Variants in NEBL observed in about 807,000 individuals in gnomAD.
NEBL encodes the protein nebulette.
In NEBL, 122 loss-of-function variants were observed where a neutral mutation model predicts 140.2. That is an observed-to-expected ratio of 0.87 (90% CI 0.75 to 1.01). The LOEUF is 1.01. Among genes scored for constraint, NEBL ranks in the 50% least tolerant of loss-of-function variants. The pLI, the probability that NEBL is intolerant of heterozygous loss-of-function variation, is 0.00. For missense variants in NEBL, 1,365 were observed against 1,231.3 expected (o/e 1.11, Z -1.62); for synonymous variants, 436 against 398.9 (o/e 1.09, Z -1.11).
intron 3 of NEBL, among the ~76,000 whole-genome samples, chr10:21,227,834 C>A (rs555505881): frequency 0.012 from 1,756 of 148,086 alleles, 23 homozygotes; most frequent in South Asian, 0.058. Context: ...CTTCTTTCTT[C>A]TTCTTCTTTC....
At chr10:20,920,987 A>T (rs1381484226) in intron 4 of NEBL, among the ~76,000 whole-genome samples, 2 of 152,344 alleles carry the variant, frequency 1.3e-5, no homozygotes, top group Admixed American at 6.5e-5. Flanking sequence ...TTTCAAAGAA[A>T]TATGTGTTTA....
intron 4 of NEBL, among the ~76,000 whole-genome samples, chr10:20,920,193 T>C (rs538447968): frequency 5.9e-5 from 9 of 152,220 alleles, no homozygotes; most frequent in Admixed American, 2.6e-4. Flanking sequence ...CATATATTAC[T>C]GTTGGAAACA....
chr10:20,939,803 G>A (rs1834743538), intron 4 of NEBL, among the ~76,000 whole-genome samples: 1 of 152,128 alleles, frequency 6.6e-6, no homozygotes, highest in East Asian at 1.9e-4. Context: ...TGATAAAGCA[G>A]ACTTTAAATG....
intron 4 of NEBL, among the ~76,000 whole-genome samples, chr10:20,882,778 T>C (rs1373387731): frequency 6.6e-6 from 1 of 152,176 alleles, no homozygotes; most frequent in Non-Finnish European, 1.5e-5. Context: ...TAACAATGTT[T>C]AATGCCCTCT....
chr10:20,942,507 AC>A (rs1834927586), intron 4 of NEBL, among the ~76,000 whole-genome samples: 1 of 152,250 alleles, frequency 6.6e-6, no homozygotes, highest in Non-Finnish European at 1.5e-5. Context: ...CCTAGGGAAT[AC>A]CATTCAGGAC....
At chr10:21,225,053 T>C (rs1173448830) in intron 3 of NEBL, among the ~76,000 whole-genome samples, 1 of 152,114 alleles carries the variant, frequency 6.6e-6, no homozygotes, top group Non-Finnish European at 1.5e-5. Context: ...ATAACAGTGG[T>C]AAAAATGGGA....
intron 2 of NEBL, among the ~76,000 whole-genome samples, chr10:21,050,254 G>A (rs1834714656): frequency 6.6e-6 from 1 of 152,046 alleles, no homozygotes; most frequent in African/African-American, 2.4e-5. Context: ...GTATTCTCAC[G>A]GAAACTATCT....
intron 3 of NEBL, among the ~76,000 whole-genome samples, chr10:20,999,662 T>C (rs1180840329): frequency 1.3e-5 from 2 of 152,050 alleles, no homozygotes; most frequent in African/African-American, 4.8e-5. Context: ...AGGATCTATA[T>C]ACCCAGGGTT....
At chr10:20,846,274 G>C (rs1452554325) in intron 11 of NEBL, among the ~76,000 whole-genome samples, 1 of 152,084 alleles carries the variant, frequency 6.6e-6, no homozygotes, top group East Asian at 1.9e-4. Context: ...TGTTCAAATT[G>C]CATCCCTGAA....
At chr10:21,288,832 A>G (rs1394876395) in intron 1 of NEBL, among the ~76,000 whole-genome samples, 4 of 76,072 alleles carry the variant, frequency 5.3e-5, no homozygotes, top group African/African-American at 5.8e-5. Flanking sequence ...ATATATATAT[A>G]TATATATATA....
rs1393046788 is a variant in NEBL, at chr10:20,781,147, G to T, written c.*4600C>A. On this transcript the variant is annotated 3_prime_UTR_variant, in exon 28 of 28. Coordinates refer to ENST00000377122, the MANE Select transcript of NEBL (RefSeq NM_006393.3). The stretch of plus-strand genomic sequence containing the variant: ...TTCACAGTGTAGAGGAAAAAAATAT[G>T]AATTAAAGCATTTCTACTAAAATAT... 1 of 152,652 alleles carries T rather than the reference G, an allele frequency of 6.6e-6. No individual in the cohort carries two copies. The highest frequency in any genetic ancestry group is 6.5e-5 in the Admixed American group (1 of 15,274). The allele number at this position is 152,652 out of a possible 1,614,324, so 9.5% of individuals were successfully genotyped here.
At chr10:20,962,156 AC>A (rs947586303) in intron 3 of NEBL, among the ~76,000 whole-genome samples, 38 of 152,318 alleles carry the variant, frequency 2.5e-4, no homozygotes, top group African/African-American at 9.1e-4. Context: ...CACCATTAAT[AC>A]CATTACTACT....
chr10:20,855,291 A>C (rs916424233), intron 9 of NEBL, among the ~76,000 whole-genome samples: 3 of 151,872 alleles, frequency 2.0e-5, no homozygotes, highest in Admixed American at 6.6e-5. Context: ...ATAATAATAC[A>C]GACTTTATAA....
chr10:21,099,301 C>T (rs1260997298), intron 2 of NEBL, among the ~76,000 whole-genome samples: 1 of 152,126 alleles, frequency 6.6e-6, no homozygotes, highest in East Asian at 1.9e-4. Context: ...ACTGAGTAGC[C>T]CACCCACCGA....
At chr10:20,888,810 T>C (rs1846769595) in intron 3 of NEBL, among the ~76,000 whole-genome samples, 1 of 152,208 alleles carries the variant, frequency 6.6e-6, no homozygotes, top group Admixed American at 6.5e-5. Flanking sequence ...AATTAACTCC[T>C]TCAGGAAACA....
Position 21,120,409 on chromosome 10 carries a change from TA to T in NEBL, c.164+51973del, listed in dbSNP as rs1564518101. Among the ~76,000 whole-genome samples, 20 of 125,560 alleles carry T rather than the reference TA, an allele frequency of 1.6e-4. 4 individuals are homozygous for T. The highest frequency in any genetic ancestry group is 1.1e-3 in the East Asian group (4 of 3,718). The allele number at this position is 125,560 out of a possible 152,430, so 82.4% of individuals were successfully genotyped here. ...AAAAAAATACATATATATATATATATATATATATATATATAAATTTGATCAC... is the reference window on the plus strand; with the variant it reads ...AAAAAAATACATATATATATATATATTATATATATATATAAATTTGATCAC... On this transcript the variant is annotated intron_variant, in intron 2 of 6. Transcript: ENST00000417816.
intron 2 of NEBL, among the ~76,000 whole-genome samples, chr10:21,249,870 C>T (rs1842564523): frequency 2.0e-5 from 3 of 151,928 alleles, no homozygotes; most frequent in African/African-American, 4.8e-5. Flanking sequence ...TTGAGACCAG[C>T]CTGACCAACA....
chr10:21,219,264 T>A (rs1354278947), intron 3 of NEBL, among the ~76,000 whole-genome samples: 1 of 152,214 alleles, frequency 6.6e-6, no homozygotes, highest in Non-Finnish European at 1.5e-5. Context: ...AAAAATGTAT[T>A]TTTTATAAGT....
At chr10:21,160,302 A>T (rs1276056022) in intron 2 of NEBL, among the ~76,000 whole-genome samples, 1 of 152,124 alleles carries the variant, frequency 6.6e-6, no homozygotes, top group Non-Finnish European at 1.5e-5. Context: ...TTTACGGGCC[A>T]CTCAGCCCTG....
Sources: allele counts gnomAD v4.1 joint callset (sites outside exome capture counted in the v4.1 genomes callset), GRCh38; gene constraint gnomAD v4.1.1; transcripts MANE v1.5; gene names NCBI Gene and HGNC (gene_info 2026-07-23, HGNC 2026-07-21).